Variants in TCF4 observed in about 807,000 individuals in gnomAD.
TCF4 encodes SL3-3 enhancer factor 2.
A neutral mutation model predicts 82.1 loss-of-function variants in TCF4; 3 were observed. The ratio of observed to expected loss-of-function variants is 0.04; its 90% CI spans 0.02 to 0.09. TCF4 has a LOEUF of 0.09. Ranked by LOEUF, TCF4 falls within the 10% of genes least tolerant of loss-of-function variation. The pLI, the probability that TCF4 is intolerant of heterozygous loss-of-function variation, is 1.00. For synonymous variants in TCF4, 276 were observed against 309.6 expected, an observed-to-expected ratio of 0.89 and a Z score of 1.14; for missense variants, 518 against 852.7, an observed-to-expected ratio of 0.61 and a Z score of 4.89.
chr18:55,307,826 C>T (rs2070878788), intron 8 of TCF4, among the ~76,000 whole-genome samples: 1 of 152,188 alleles, frequency 6.6e-6, no homozygotes, highest in Non-Finnish European at 1.5e-5. Context: ...CATAGGCTTC[C>T]AGTGCTCCCA....
At chr18:55,243,809 C>A (rs1290301357) in intron 15 of TCF4, among the ~76,000 whole-genome samples, 1 of 152,044 alleles carries the variant, frequency 6.6e-6, no homozygotes, top group Non-Finnish European at 1.5e-5. Flanking sequence ...ATAGACCAAA[C>A]GGCAAATTTC....
At chr18:55,354,424 T>C (rs1255118923) in intron 6 of TCF4, among the ~76,000 whole-genome samples, 1 of 152,202 alleles carries the variant, frequency 6.6e-6, no homozygotes, top group Non-Finnish European at 1.5e-5. Flanking sequence ...CCCCATTCCT[T>C]TTCAGGGGAG....
chr18:55,300,889 A>T (rs1357811026), intron 8 of TCF4, among the ~76,000 whole-genome samples: 2 of 152,128 alleles, frequency 1.3e-5, no homozygotes, highest in Non-Finnish European at 2.9e-5. Context: ...ACTAGCCAAG[A>T]GCTCGTCCCA....
chr18:55,421,747 CTGTT>C (rs552790062), intron 5 of TCF4, among the ~76,000 whole-genome samples: 1 of 152,280 alleles, frequency 6.6e-6, no homozygotes, highest in African/African-American at 2.4e-5. Context: ...AAGTCAGACT[CTGTT>C]TAAGTTTTTC....
chr18:55,249,634 G>A (rs1697938036), intron 15 of TCF4, among the ~76,000 whole-genome samples: 1 of 152,226 alleles, frequency 6.6e-6, no homozygotes, highest in Non-Finnish European at 1.5e-5. Context: ...CTACTAGCCT[G>A]TGAATTCCTT....
chr18:55,258,053 T>C (rs1047517667), intron 13 of TCF4, among the ~76,000 whole-genome samples: 1 of 152,100 alleles, frequency 6.6e-6, no homozygotes, highest in Non-Finnish European at 1.5e-5. Context: ...ATAATACACA[T>C]TCAGTGTAGA....
intron 3 of TCF4, among the ~76,000 whole-genome samples, chr18:55,499,901 G>A (rs2096678615): frequency 6.6e-6 from 1 of 152,202 alleles, no homozygotes; most frequent in Non-Finnish European, 1.5e-5. Flanking sequence ...TTAAAAACAT[G>A]GCCAGGCACA....
At chr18:55,274,351 C>G (rs904442003) in intron 10 of TCF4, among the ~76,000 whole-genome samples, 1 of 152,116 alleles carries the variant, frequency 6.6e-6, no homozygotes, top group Admixed American at 6.6e-5. Flanking sequence ...GGAGGTGATA[C>G]AAAAAGGCCA....
At chr18:55,421,610 A>G (rs569146242) in intron 5 of TCF4, among the ~76,000 whole-genome samples, 1 of 152,368 alleles carries the variant, frequency 6.6e-6, no homozygotes, top group Non-Finnish European at 1.5e-5. Flanking sequence ...ATAATTTATA[A>G]AGAAGTACAC....
chr18:55,422,939 A>G (rs1313366139), intron 5 of TCF4, among the ~76,000 whole-genome samples: 1 of 151,798 alleles, frequency 6.6e-6, no homozygotes, highest in African/African-American at 2.4e-5. Flanking sequence ...TTTGGGTGAA[A>G]AAAAACAAAT....
rs533319861 is a variant in TCF4 at position 55,355,290 on chromosome 18, T to C, written c.370-4287A>G. Among the ~76,000 whole-genome samples, 134 of 152,326 alleles carry C rather than the reference T, an allele frequency of 8.8e-4. No homozygotes were observed. The Middle Eastern group carries it at 0.034, about 39-fold the overall frequency. Reference sequence around the variant, plus strand: ...TGAGTGAAATTACAAGTTAGATTTGTTTAAAATACCTTTTATCACAACCTA... The same window carrying C: ...TGAGTGAAATTACAAGTTAGATTTGCTTAAAATACCTTTTATCACAACCTA... On this transcript the variant is annotated intron_variant, in intron 6 of 19. Transcript: ENST00000354452.
chr18:55,482,612 T>C (rs1424499347), intron 3 of TCF4: 2 of 152,204 alleles, frequency 1.3e-5, no homozygotes, highest in Non-Finnish European at 2.9e-5. Context: ...ACTCCCTCCT[T>C]CAGATACTTC....
At position 55,226,279 on chromosome 18, in the gene TCF4, T is replaced by C. The variant is rs894987445; in HGVS notation, c.*1756A>G. The stretch of plus-strand genomic sequence containing the variant: ...AAAAACTACTTGAACAGGGATTTTT[T>C]TTTTTCTTAATACATGCCAAGAATT... On this transcript the variant is annotated 3_prime_UTR_variant, in exon 20 of 20. Transcript: ENST00000354452. 1 of 152,560 alleles carries C rather than the reference T, an allele frequency of 6.6e-6. No homozygotes were observed. The highest frequency in any genetic ancestry group is 1.9e-4 in the East Asian group (1 of 5,202). The allele number at this position is 152,560 out of a possible 1,614,324, so 9.5% of individuals were successfully genotyped here.
At chr18:55,306,231 G>GT (rs1350813267) in intron 8 of TCF4, among the ~76,000 whole-genome samples, 1 of 152,102 alleles carries the variant, frequency 6.6e-6, no homozygotes, top group African/African-American at 2.4e-5. Flanking sequence ...TTTTAAAAAT[G>GT]TAATTTTTTC....
chr18:55,310,805 T>C (rs1249484917), intron 8 of TCF4, among the ~76,000 whole-genome samples: 1 of 152,244 alleles, frequency 6.6e-6, no homozygotes, highest in African/African-American at 2.4e-5. Context: ...AGTTTCTTTA[T>C]GCTAATTTCT....
intron 3 of TCF4, among the ~76,000 whole-genome samples, chr18:55,577,150 T>A (rs896661114): frequency 1.8e-4 from 26 of 144,908 alleles, no homozygotes; most frequent in Non-Finnish European, 2.4e-4. Context: ...ATTTATATAT[T>A]TATATATGTA....
At chr18:55,304,648 A>C (rs573726968) in intron 8 of TCF4, among the ~76,000 whole-genome samples, 1 of 152,260 alleles carries the variant, frequency 6.6e-6, no homozygotes, top group East Asian at 1.9e-4. Flanking sequence ...AGTAATGCAA[A>C]TGGTAGTTTT....
At chr18:55,231,244 T>G (rs2047838230) in intron 17 of TCF4, 1 of 152,226 alleles carries the variant, frequency 6.6e-6, no homozygotes, top group South Asian at 2.1e-4. Flanking sequence ...GTGATATTTT[T>G]ATACATCCAA....
chr18:55,364,934 C>T (rs1311385562), intron 6 of TCF4, among the ~76,000 whole-genome samples: 1 of 151,464 alleles, frequency 6.6e-6, no homozygotes, highest in Non-Finnish European at 1.5e-5. Context: ...CTGAGGCAGG[C>T]AGATCACAAG....
Sources: gnomAD v4.1 joint callset for allele counts (sites outside exome capture counted in the v4.1 genomes callset) on GRCh38, gnomAD v4.1.1 for gene constraint, MANE v1.5 for transcripts, NCBI Gene and HGNC (gene_info 2026-07-23, HGNC 2026-07-21) for gene names.